The following STK31 variants were observed in gnomAD, a reference collection of about 807,000 sequenced individuals.
STK31 encodes the protein serine/threonine-protein kinase 31.
Under a neutral mutation model 129.7 loss-of-function variants are expected in STK31, and 89 were observed. The observed-to-expected ratio is 0.69, with a 90% confidence interval of 0.58 to 0.82. The LOEUF (loss-of-function observed/expected upper bound fraction) is 0.82, where lower values mean the gene tolerates loss of function less well. STK31 is among the 40% of genes least tolerant of loss of function. The probability of loss-of-function intolerance (pLI) is 0.00; values close to 1 mark genes in which losing one functional copy is unlikely to be tolerated. For synonymous variants in STK31, 448 were observed against 395.3 expected, an observed-to-expected ratio of 1.13 and a Z score of -1.58; for missense variants, 1,187 against 1,176.4, an observed-to-expected ratio of 1.01 and a Z score of -0.13.
intron 8 of STK31, among the ~76,000 whole-genome samples, chr7:23,749,133 ATC>A (rs1474871139): frequency 6.6e-6 from 1 of 152,060 alleles, no homozygotes; most frequent in Non-Finnish European, 1.5e-5. Flanking sequence ...TAGGATTTCC[ATC>A]TCTTTGCTTA....
chr7:23,780,704 C>A (rs921754545), intron 15 of STK31, among the ~76,000 whole-genome samples: 2 of 152,130 alleles, frequency 1.3e-5, no homozygotes, highest in African/African-American at 4.8e-5. Context: ...CTTTGTCCTG[C>A]ACCTGAGAAA....
At chr7:23,771,308 TTTA>T (rs1029527356) in intron 14 of STK31, 184 bp downstream of exon 14, 4 of 479,882 alleles carry the variant, frequency 8.3e-6, no homozygotes, top group Admixed American at 4.5e-5. Context: ...TTTTAAATAT[TTTA>T]TTATGTCCAT....
intron 4 of STK31, among the ~76,000 whole-genome samples, chr7:23,720,633 A>G (rs1323616613): frequency 6.6e-6 from 1 of 152,224 alleles, no homozygotes; most frequent in Non-Finnish European, 1.5e-5. Context: ...TATTAAGTGT[A>G]TACTTTCTAT....
At chr7:23,713,022 G>C (rs1287625704) in intron 3 of STK31, among the ~76,000 whole-genome samples, 1 of 152,092 alleles carries the variant, frequency 6.6e-6, no homozygotes, top group Non-Finnish European at 1.5e-5. Flanking sequence ...AGTTCTAGAA[G>C]AATATGATTA....
intron 10 of STK31, among the ~76,000 whole-genome samples, chr7:23,758,625 C>CT (rs1184262619): frequency 5.9e-5 from 9 of 152,140 alleles, no homozygotes; most frequent in Non-Finnish European, 2.9e-5. Flanking sequence ...AAATTCCTCT[C>CT]TTAACACTAC....
At chr7:23,752,672 T>A in intron 8 of STK31, 45 bp from the exon 9 acceptor site, 4 of 1,374,886 alleles carry the variant, frequency 2.9e-6, no homozygotes, top group Non-Finnish European at 4.1e-6. Flanking sequence ...AGAAATACAG[T>A]TTCCTATTTG....
chr7:23,759,444 T>C (rs1297283459), intron 10 of STK31, among the ~76,000 whole-genome samples: 1 of 152,148 alleles, frequency 6.6e-6, no homozygotes, highest in Admixed American at 6.5e-5. Flanking sequence ...CAGATCACAG[T>C]GTAATCAAAT....
At chr7:23,710,187 C>T (rs1785835712), upstream of STK31, 5 of 1,590,096 alleles carry the variant, frequency 3.1e-6, no homozygotes, top group South Asian at 3.4e-5. Flanking sequence ...GATGGCGCAG[C>T]GCTGTGCACG....
intron 14 of STK31, 129 bp from the exon 15 acceptor site, chr7:23,772,016 TAG>T (rs1790228490): frequency 1.7e-6 from 1 of 579,112 alleles, no homozygotes; most frequent in African/African-American, 1.9e-5. Flanking sequence ...TTGAAAATTA[TAG>T]ATTTTCTTGG....
intron 23 of STK31, among the ~76,000 whole-genome samples, chr7:23,817,136 C>T (rs1173187585): frequency 6.6e-6 from 1 of 151,774 alleles, no homozygotes; most frequent in African/African-American, 2.4e-5. Context: ...TGCAGTGAGC[C>T]GAGATTGTGC....
chr7:23,798,711 A>T (rs914385449), intron 22 of STK31, among the ~76,000 whole-genome samples: 1 of 152,174 alleles, frequency 6.6e-6, no homozygotes, highest in African/African-American at 2.4e-5. Flanking sequence ...GCCCTCTCTC[A>T]CCACTCCTAT....
In STK31 at chr7:23,710,329, G is replaced by A; in HGVS notation, c.44G>A (p.Ser15Asn). The A allele has an allele frequency of 6.2e-7, 1 of 1,613,526 alleles. No individual in the cohort carries two copies. The highest frequency in any genetic ancestry group is 8.5e-7 in the Non-Finnish European group (1 of 1,179,944). Residue 15 changes from serine to asparagine, a missense_variant, in exon 1 of 24, where the codon AGT becomes AAT. Coordinates refer to ENST00000355870, the MANE Select transcript of STK31 (RefSeq NM_031414.5). ...TCTTCTAGAGCTTCCGCAACGGAAA[G>A]TGTGAGGTCAGTAGTAGTTTTTGTG... ...GHSSRASATE[S>N]VSFSGIVQMD...
chr7:23,815,357 C>G (rs568109353), intron 23 of STK31, 145 bp downstream of exon 23: 2 of 548,898 alleles, frequency 3.6e-6, no homozygotes, highest in Admixed American at 7.6e-5. Context: ...ATTCAGGTGC[C>G]CTACTTAACA....
chr7:23,715,545 A>G (rs965850850), intron 3 of STK31, among the ~76,000 whole-genome samples: 3 of 151,952 alleles, frequency 2.0e-5, no homozygotes, highest in Non-Finnish European at 4.4e-5. Flanking sequence ...GCCTGGGCCC[A>G]GGAGATTGAG....
intron 17 of STK31, 23 bp from the exon 18 acceptor site, chr7:23,785,455 C>A (rs367863716): frequency 4.4e-6 from 7 of 1,608,364 alleles, no homozygotes; most frequent in African/African-American, 2.7e-5. Flanking sequence ...GATTCTTTAA[C>A]TGTGATAAAA....
intron 23 of STK31, among the ~76,000 whole-genome samples, chr7:23,824,904 T>C (rs1341613357): frequency 6.6e-6 from 1 of 152,046 alleles, no homozygotes; most frequent in African/African-American, 2.4e-5. Flanking sequence ...TTACGTTTAT[T>C]GATTTTCATA....
At chr7:23,799,276 T>C (rs1324428648) in intron 22 of STK31, among the ~76,000 whole-genome samples, 1 of 152,104 alleles carries the variant, frequency 6.6e-6, no homozygotes, top group Non-Finnish European at 1.5e-5. Flanking sequence ...AAAGCCCGTA[T>C]AGCCAAGACA....
Position 23,785,467 on chromosome 7 carries a change from C to A in STK31, c.2149-11C>A. ...TTGGATTCTTTAACTGTGATAAAAA[C>A]TTGTGCCTAGAACTCTGGTGGTCTC... On this transcript the variant is annotated splice_polypyrimidine_tract_variant and intron_variant, in intron 17 of 23. Coordinates refer to ENST00000355870, the MANE Select transcript of STK31 (RefSeq NM_031414.5). 1 of 1,610,448 alleles carries A rather than the reference C, an allele frequency of 6.2e-7. No individual in the cohort carries two copies. The highest frequency in any genetic ancestry group is 8.5e-7 in the Non-Finnish European group (1 of 1,177,236).
chr7:23,736,492 G>A (rs1290823460), intron 7 of STK31, among the ~76,000 whole-genome samples: 1 of 139,640 alleles, frequency 7.2e-6, no homozygotes, highest in Non-Finnish European at 1.5e-5. Flanking sequence ...TGTTTGATGG[G>A]ATCTCATCAG....
Sources: gnomAD v4.1 joint callset for allele counts (sites outside exome capture counted in the v4.1 genomes callset) on GRCh38, gnomAD v4.1.1 for gene constraint, MANE v1.5 for transcripts, NCBI Gene and HGNC (gene_info 2026-07-23, HGNC 2026-07-21) for gene names.